LCORL: variants seen among roughly 807,000 people sequenced by gnomAD.
LCORL encodes the protein ligand-dependent nuclear receptor corepressor-like protein.
LCORL carries 41 observed loss-of-function variants against 141.8 expected under a neutral mutation model. The observed-to-expected ratio is 0.29, with a 90% CI of 0.23 to 0.38. The LOEUF (loss-of-function observed/expected upper bound fraction) is 0.38, where lower values mean the gene tolerates loss of function less well. Ranked by LOEUF, LCORL falls within the 10% of genes least tolerant of loss-of-function variation. The pLI is 1.00. For missense variants in LCORL, 1,759 were observed against 2,035.0 expected (o/e 0.86, Z 2.61); for synonymous variants, 618 against 694.1 (o/e 0.89, Z 1.72).
At position 18,021,149 on chromosome 4, in the gene LCORL, G is replaced by T. The variant is rs1327394739; in HGVS notation, c.154+449C>A. 2.0e-5 allele frequency among the ~76,000 whole-genome samples: 3 copies of T among 152,008 alleles called. No individual in the cohort carries two copies. Among genetic ancestry groups the T allele is most frequent in the Non-Finnish European group, 4.4e-5 (3 of 67,962 alleles). On this transcript the variant is annotated intron_variant, in intron 1 of 7. Transcript: ENST00000635767. The surrounding 1 kb of genome is among the most constrained non-coding windows in gnomAD (Gnocchi z 5.5). ...GCCCCCGGCGGCGACAAGGGGGTGT[G>T]TGTGCGCTCGGCGGGGGCGCGGACC... is the stretch of plus-strand genomic sequence containing the variant.
chr4:17,972,802 TA>T lies in LCORL; in HGVS notation c.220+17del. 4 of 1,351,494 alleles carry T rather than the reference TA, an allele frequency of 3.0e-6. No individual in the cohort carries two copies. Among genetic ancestry groups the T allele is most frequent in the Non-Finnish European group, 2.9e-6 (3 of 1,029,344 alleles). The allele number at this position is 1,351,494 out of a possible 1,614,324, so 83.7% of individuals were successfully genotyped here. A position where few individuals can be genotyped will look rare whatever the true frequency, so the allele number is the denominator to read the frequency against. On this transcript the variant is annotated intron_variant, in intron 2 of 7. Coordinates refer to ENST00000635767, the Ensembl canonical transcript of LCORL. Reference sequence around the variant, plus strand: ...AGGATGGGAAATGACAACTTTTAAATAAAATTTTAAAAATTACCTTCAAATA... The same window carrying T: ...AGGATGGGAAATGACAACTTTTAAATAAATTTTAAAAATTACCTTCAAATA...
intron 5 of LCORL, among the ~76,000 whole-genome samples, chr4:17,895,652 A>G (rs1425871585): frequency 6.6e-6 from 1 of 152,210 alleles, no homozygotes; most frequent in Non-Finnish European, 1.5e-5. Flanking sequence ...CAATTTTAGA[A>G]TATTTTCTCC....
At chr4:17,875,272 G>C in exon 7 of LCORL, 6 of 1,231,430 alleles carry the variant, frequency 4.9e-6, no homozygotes, top group Non-Finnish European at 6.1e-6. Flanking sequence ...ATTGCCAAAG[G>C]CTTCTGATTT....
intron 5 of LCORL, among the ~76,000 whole-genome samples, chr4:17,906,941 CA>C (rs560208598): frequency 9.6e-4 from 146 of 152,330 alleles, no homozygotes; most frequent in African/African-American, 3.4e-3. Flanking sequence ...CTCAGCCTCC[CA>C]AAGTGCTGGG....
chr4:17,878,583 A>G (rs1478467658), intron 6 of LCORL, among the ~76,000 whole-genome samples: 2 of 151,372 alleles, frequency 1.3e-5, no homozygotes, highest in East Asian at 3.9e-4. Context: ...ATACATAATT[A>G]TCAGTCTACA....
Position 17,980,195 on chromosome 4 carries a change from T to C in LCORL, c.155-7310A>G, listed in dbSNP as rs1460447796. ...CGTTACAACACTAATAGGAAACTCA[T>C]ACCTGCTTCAAACTAATTTCATGGC... is the stretch of plus-strand genomic sequence containing the variant. On this transcript the variant is annotated intron_variant, in intron 1 of 7. Transcript: ENST00000635767. Among the ~76,000 whole-genome samples the C allele has an allele frequency of 2.0e-5, 3 of 152,232 alleles. No homozygotes were observed. The East Asian group carries it at 5.8e-4, about 29-fold the overall frequency.
Position 18,021,500 on chromosome 4 carries a change from G to T in LCORL, c.154+98C>A. 1.9e-6 allele frequency: 2 copies of T among 1,078,780 alleles called. No homozygotes were observed. The highest frequency in any genetic ancestry group is 1.7e-5 in the South Asian group (1 of 58,234). 66.8% of individuals were successfully genotyped at this position (1,078,780 alleles called of 1,614,324 possible). ...TCTCGCTCCCCCACCGAACTAACCC[G>T]AACGGGAGATTCAACTAAACCCCTC... is the stretch of plus-strand genomic sequence containing the variant. On this transcript the variant is annotated intron_variant, in intron 1 of 7. Coordinates refer to ENST00000635767, the Ensembl canonical transcript of LCORL. This position sits in a 1 kb window ranked among gnomAD's most constrained non-coding sequence, Gnocchi z 5.5.
chr4:17,994,714 A>AG (rs1234368306), intron 1 of LCORL, among the ~76,000 whole-genome samples: 6 of 143,894 alleles, frequency 4.2e-5, no homozygotes. Context: ...CTGGGGATAC[A>AG]GCAGTGAGTA....
At chr4:17,955,494 GTGCTT>G (rs1712422045) in intron 4 of LCORL, among the ~76,000 whole-genome samples, 1 of 152,056 alleles carries the variant, frequency 6.6e-6, no homozygotes. Flanking sequence ...GTTCCTCATG[GTGCTT>G]ATATTCTAGC....
At chr4:17,922,328 T>C (rs538760125) in intron 4 of LCORL, among the ~76,000 whole-genome samples, 2 of 152,302 alleles carry the variant, frequency 1.3e-5, no homozygotes, top group East Asian at 3.9e-4. Context: ...TGGAGAACAC[T>C]GATAGTCCTT....
At chr4:17,962,854 C>G (rs150240561) in intron 3 of LCORL, 116 bp downstream of exon 3, 1 of 465,754 alleles carries the variant, frequency 2.1e-6, no homozygotes, top group Non-Finnish European at 3.8e-6. Flanking sequence ...TTACCAAAAT[C>G]AAATACTTAA....
chr4:17,914,383 C>T (rs915469707), intron 4 of LCORL, among the ~76,000 whole-genome samples: 6 of 152,258 alleles, frequency 3.9e-5, no homozygotes, highest in Non-Finnish European at 1.5e-5. Context: ...CATTATTAGA[C>T]CCATATCATG....
intron 4 of LCORL, among the ~76,000 whole-genome samples, chr4:17,915,623 A>G (rs1196024322): frequency 1.3e-5 from 2 of 152,202 alleles, no homozygotes; most frequent in African/African-American, 4.8e-5. Flanking sequence ...AGAAGGCTGC[A>G]GAGTAAGAAC....
At chr4:17,961,941 T>C (rs1220279247) in exon 4 of LCORL, 1 of 1,610,852 alleles carries the variant, frequency 6.2e-7, no homozygotes, top group East Asian at 2.2e-5. Context: ...ATTTTCTGCT[T>C]GGCATTCAAT....
intron 7 of LCORL, among the ~76,000 whole-genome samples, chr4:17,872,016 T>C (rs2109169139): frequency 6.6e-6 from 1 of 152,196 alleles, no homozygotes; most frequent in South Asian, 2.1e-4. Flanking sequence ...GCTTTTACTA[T>C]TTTAATATAA....
At chr4:17,903,372 T>G (rs765605972) in intron 5 of LCORL, among the ~76,000 whole-genome samples, 24 of 152,054 alleles carry the variant, frequency 1.6e-4, no homozygotes, top group Non-Finnish European at 2.9e-4. Flanking sequence ...CTGATCTTGT[T>G]CTGTATAGGA....
At chr4:18,006,118 T>C (rs1468260778) in intron 1 of LCORL, among the ~76,000 whole-genome samples, 1 of 152,204 alleles carries the variant, frequency 6.6e-6, no homozygotes, top group Non-Finnish European at 1.5e-5. Flanking sequence ...GCTTAGAAAT[T>C]TCTTCTGCCA....
intron 1 of LCORL, among the ~76,000 whole-genome samples, chr4:17,990,642 GTTTT>G (rs979642708): frequency 1.5e-5 from 2 of 131,348 alleles, no homozygotes; most frequent in East Asian, 2.2e-4. Flanking sequence ...TCCCATCTTG[GTTTT>G]TTTTTTTTTT....
intron 4 of LCORL, chr4:17,912,342 CCATGAAGAGG>C: frequency 1.5e-6 from 1 of 672,400 alleles, no homozygotes; most frequent in Non-Finnish European, 2.8e-6. Flanking sequence ...TCATGAAGAA[CCATGAAGAGG>C]AAGTAAAAGG....
Sources: gnomAD v4.1 joint callset for allele counts (sites outside exome capture counted in the v4.1 genomes callset) on GRCh38, gnomAD v4.1.1 for gene constraint, Gnocchi (gnomAD v3.1) non-coding constraint, MANE v1.5 for transcripts, NCBI Gene and HGNC (gene_info 2026-07-23, HGNC 2026-07-21) for gene names.